FMNL2: variants seen among roughly 807,000 people sequenced by gnomAD.
FMNL2 encodes the protein formin-like protein 2.
A neutral mutation model predicts 130.2 loss-of-function variants in FMNL2; 51 were observed. The observed-to-expected ratio is 0.39, with a 90% CI of 0.31 to 0.49. The LOEUF (loss-of-function observed/expected upper bound fraction) is 0.49. Among genes scored for constraint, FMNL2 ranks in the 20% least tolerant of loss-of-function variants. The probability of loss-of-function intolerance (pLI) is 0.85; values close to 1 mark genes in which losing one functional copy is unlikely to be tolerated. For synonymous variants in FMNL2, 465 were observed against 467.1 expected (o/e 1.00, Z 0.06); for missense variants, 977 against 1,316.2 (o/e 0.74, Z 3.99).
chr2:152,425,717 C>G (rs760514085), intron 1 of FMNL2, among the ~76,000 whole-genome samples: 35 of 152,266 alleles, frequency 2.3e-4, no homozygotes, highest in Non-Finnish European at 3.8e-4. Flanking sequence ...TTGAGCGGAG[C>G]TTTAAGTATG....
chr2:152,425,696 C>G (rs1348319362), intron 1 of FMNL2, among the ~76,000 whole-genome samples: 1 of 152,128 alleles, frequency 6.6e-6, no homozygotes, highest in Non-Finnish European at 1.5e-5. Flanking sequence ...GAAACATGCC[C>G]CAAACACATC....
intron 6 of FMNL2, among the ~76,000 whole-genome samples, chr2:152,566,769 A>G (rs139212276): frequency 1.2e-3 from 179 of 152,318 alleles, no homozygotes; most frequent in Admixed American, 1.8e-3. Context: ...TGTGAGTGTA[A>G]CAAACTCTAA....
intron 1 of FMNL2, among the ~76,000 whole-genome samples, chr2:152,366,369 C>T (rs1229536975): frequency 1.3e-5 from 2 of 151,872 alleles, no homozygotes; most frequent in Non-Finnish European, 2.9e-5. Flanking sequence ...AGCACAGCAA[C>T]ATGGCACATG....
At chr2:152,412,275 A>G (rs1686327940) in intron 1 of FMNL2, among the ~76,000 whole-genome samples, 1 of 151,760 alleles carries the variant, frequency 6.6e-6, no homozygotes, top group South Asian at 2.1e-4. Context: ...TGAGAGGCAC[A>G]GAAAGAATAC....
At chr2:152,376,270 A>G (rs980798539) in intron 1 of FMNL2, among the ~76,000 whole-genome samples, 7 of 152,162 alleles carry the variant, frequency 4.6e-5, no homozygotes, top group African/African-American at 1.7e-4. Flanking sequence ...GTGGACGTTT[A>G]AATTGCTTCT....
intron 3 of FMNL2, among the ~76,000 whole-genome samples, chr2:152,545,992 G>A (rs62181863): frequency 0.078 from 11,918 of 152,126 alleles, 572 homozygotes; most frequent in Middle Eastern, 0.17. Flanking sequence ...CAAAAACAGC[G>A]CTGCTGCTGT....
Position 152,348,345 on chromosome 2 carries a change from A to T in FMNL2, c.117+12625A>T, listed in dbSNP as rs1283497411. On this transcript the variant is annotated intron_variant, in intron 1 of 25. Coordinates refer to ENST00000288670, the MANE Select transcript of FMNL2 (RefSeq NM_052905.4). Reference sequence around the variant, plus strand: ...GCCAGTTCACACTGTGGGCTCCTGAAAGGCAAGGATCATGTCTTACGGGGT... The same window carrying T: ...GCCAGTTCACACTGTGGGCTCCTGATAGGCAAGGATCATGTCTTACGGGGT... 3.9e-5 allele frequency among the ~76,000 whole-genome samples: 6 copies of T among 152,134 alleles called. 1 individual carries two copies. Among genetic ancestry groups the T allele is most frequent in the Admixed American group, 3.9e-4 (6 of 15,270 alleles).
At chr2:152,430,893 G>A (rs1245577304) in intron 1 of FMNL2, among the ~76,000 whole-genome samples, 1 of 149,694 alleles carries the variant, frequency 6.7e-6, no homozygotes, top group East Asian at 1.9e-4. Flanking sequence ...ATATATATAT[G>A]TTTATTTCAG....
intron 18 of FMNL2, 143 bp downstream of exon 18, chr2:152,628,676 A>G: frequency 8.7e-6 from 6 of 691,030 alleles, no homozygotes; most frequent in Non-Finnish European, 1.4e-5. Flanking sequence ...TTTTATTTCA[A>G]CCATCTTTTC....
intron 23 of FMNL2, among the ~76,000 whole-genome samples, chr2:152,638,491 C>T (rs1682808871): frequency 6.6e-6 from 1 of 152,190 alleles, no homozygotes; most frequent in Non-Finnish European, 1.5e-5. Flanking sequence ...TAGGGGGACA[C>T]TTCCCTAACA....
At chr2:152,480,320 A>G (rs904534890) in intron 1 of FMNL2, among the ~76,000 whole-genome samples, 15 of 152,190 alleles carry the variant, frequency 9.9e-5, no homozygotes, top group African/African-American at 3.6e-4. Context: ...AAGATAGGTT[A>G]GGTAATTTCT....
At chr2:152,508,074 C>T (rs1186167061) in intron 1 of FMNL2, among the ~76,000 whole-genome samples, 1 of 151,976 alleles carries the variant, frequency 6.6e-6, no homozygotes, top group African/African-American at 2.4e-5. Context: ...AAACAGTGTG[C>T]CTGTTGCCCA....
In FMNL2 at chr2:152,597,424, C is replaced by T. The variant is rs146463483; in HGVS notation, c.877-9915C>T. 4.1e-4 allele frequency among the ~76,000 whole-genome samples: 63 copies of T among 152,312 alleles called. 1 individual carries two copies. The East Asian group carries it at 0.011, about 26-fold the overall frequency. On this transcript the variant is annotated intron_variant, in intron 9 of 25. Transcript: ENST00000288670. ...GCGGCAGAAATGCTTTATGCAGACT[C>T]CCCATTTCATCATCTAGAGTATCAT... is the stretch of plus-strand genomic sequence containing the variant.
chr2:152,357,777 G>C (rs2105802912), intron 1 of FMNL2, among the ~76,000 whole-genome samples: 1 of 152,352 alleles, frequency 6.6e-6, no homozygotes, highest in African/African-American at 2.4e-5. Flanking sequence ...GCAACCAGAG[G>C]CTCTGGGGAG....
chr2:152,432,846 C>T (rs971057142), intron 1 of FMNL2, among the ~76,000 whole-genome samples: 3 of 152,216 alleles, frequency 2.0e-5, no homozygotes, highest in Admixed American at 6.5e-5. Flanking sequence ...CAGGATCCAT[C>T]TCCTGAGAGC....
At chr2:152,590,003 A>ACATATACATATG (rs1697332760) in intron 9 of FMNL2, among the ~76,000 whole-genome samples, 1 of 114,696 alleles carries the variant, frequency 8.7e-6, no homozygotes, top group Non-Finnish European at 1.8e-5. Flanking sequence ...ATATGTATAT[A>ACATATACATATG]TATATACATA....
At chr2:152,519,844 C>T (rs567405670) in intron 1 of FMNL2, among the ~76,000 whole-genome samples, 2 of 152,060 alleles carry the variant, frequency 1.3e-5, no homozygotes, top group Non-Finnish European at 2.9e-5. Context: ...CTTTATATCT[C>T]GAGATTAGTG....
Position 152,607,507 on chromosome 2 carries a change from A to ACG in FMNL2, c.951+94_951+95insCG, listed in dbSNP as rs1491371455. ...CACACACACACACACACACACACAC[A>ACG]TATTTATATTACAAAGGACAGGGAA... On this transcript the variant is annotated intron_variant, in intron 10 of 25. Transcript: ENST00000288670. 1,760 of 799,230 alleles carry ACG rather than the reference A, an allele frequency of 2.2e-3. 24 individuals carry two copies. Among genetic ancestry groups the ACG allele is most frequent in the South Asian group, 6.3e-3 (365 of 57,520 alleles). 49.5% of individuals were successfully genotyped at this position (799,230 alleles called of 1,614,324 possible).
intron 25 of FMNL2, chr2:152,644,000 C>CA: frequency 7.9e-6 from 5 of 634,374 alleles, no homozygotes; most frequent in Non-Finnish European, 9.8e-6. Flanking sequence ...GAGGCTGAGG[C>CA]AAAAGGATCA....
Sources: allele counts gnomAD v4.1 joint callset (sites outside exome capture counted in the v4.1 genomes callset), GRCh38; gene constraint gnomAD v4.1.1; transcripts MANE v1.5; gene names NCBI Gene and HGNC (gene_info 2026-07-23, HGNC 2026-07-21).